CEP68: variants seen among roughly 807,000 people sequenced by gnomAD.
The protein encoded by CEP68 is centrosomal protein 68.
In CEP68, 26 loss-of-function variants were observed where a neutral mutation model predicts 55.3. The ratio of observed to expected loss-of-function variants is 0.47; its 90% CI spans 0.34 to 0.65. The LOEUF is 0.65. Ranked by LOEUF, CEP68 falls within the 30% of genes least tolerant of loss-of-function variation. The pLI is 0.01. For missense variants in CEP68, 957 were observed against 946.7 expected, an observed-to-expected ratio of 1.01 and a Z score of -0.14; for synonymous variants, 402 against 383.2, an observed-to-expected ratio of 1.05 and a Z score of -0.57.
Position 65,072,857 on chromosome 2 carries a change from G to C in CEP68, c.1761G>C (p.Leu587=). 6.2e-7 allele frequency: 1 copy of C among 1,614,192 alleles called. No homozygotes were observed. The highest frequency in any genetic ancestry group is 1.3e-5 in the African/African-American group (1 of 75,042). ...CCCTCGGGGTCTCCTCTGGACTGCT[G>C]AAAACACGCCCCTCCTTGCCAGCTA... ...SQALGVSSGL[L]KTRPSLPARL... The change falls in exon 3 of 7, where the codon CTG becomes CTC. Residue 587 remains leucine, a synonymous_variant. Coordinates refer to ENST00000377990, the MANE Select transcript of CEP68 (RefSeq NM_015147.3).
intron 1 of CEP68, among the ~76,000 whole-genome samples, chr2:65,059,535 A>G (rs1675810400): frequency 6.6e-6 from 1 of 152,134 alleles, no homozygotes; most frequent in South Asian, 2.1e-4. Flanking sequence ...GTATTCTATA[A>G]TTAGCCATTA....
At chr2:65,078,553 T>TTTGAGATGGAGTTTCGCTC (rs1258240215) in intron 5 of CEP68, among the ~76,000 whole-genome samples, 1 of 152,138 alleles carries the variant, frequency 6.6e-6, no homozygotes, top group African/African-American at 2.4e-5. Context: ...TTGTTTTGCT[T>TTTGAGATGGAGTTTCGCTC]TTGAGATGGA....
At chr2:65,066,067 A>G (rs1414040028) in intron 1 of CEP68, among the ~76,000 whole-genome samples, 11 of 152,116 alleles carry the variant, frequency 7.2e-5, no homozygotes, top group South Asian at 2.1e-4. Context: ...GAGGGAACCA[A>G]TCATGGGCAG....
At position 65,086,213 on chromosome 2, in the gene CEP68, A is replaced by G. The variant is rs13424266; in HGVS notation, c.*2579A>G. 88 of 152,346 alleles carry G rather than the reference A, an allele frequency of 5.8e-4. No individual in the cohort carries two copies. The highest frequency in any genetic ancestry group is 2.0e-3 in the African/African-American group (83 of 41,584). The allele number at this position is 152,346 out of a possible 1,614,324, so 9.4% of individuals were successfully genotyped here. On this transcript the variant is annotated 3_prime_UTR_variant, in exon 7 of 7. Transcript: ENST00000377990. Reference sequence around the variant, plus strand: ...ATAGGAAATTACTGCTCAGACCACAATGACTATCATTCTGAAAGGATTTCA... The same window carrying G: ...ATAGGAAATTACTGCTCAGACCACAGTGACTATCATTCTGAAAGGATTTCA...
In CEP68 at chr2:65,084,020, C is replaced by T. The variant is rs1220837609; in HGVS notation, c.*386C>T. On this transcript the variant is annotated 3_prime_UTR_variant, in exon 7 of 7. Coordinates refer to ENST00000377990, the MANE Select transcript of CEP68 (RefSeq NM_015147.3). ...ATTCCGAATACTCAATATTCTCAGG[C>T]ATGCAAGAGGACCTAAGAGACTGAA... is the stretch of plus-strand genomic sequence containing the variant. 2.0e-5 allele frequency: 3 copies of T among 152,176 alleles called. No individual in the cohort carries two copies. The highest frequency in any genetic ancestry group is 4.4e-5 in the Non-Finnish European group (3 of 68,030). 9.4% of individuals were successfully genotyped at this position (152,176 alleles called of 1,614,324 possible).
chr2:65,062,354 T>C (rs1675950443), intron 1 of CEP68, among the ~76,000 whole-genome samples: 1 of 151,444 alleles, frequency 6.6e-6, no homozygotes, highest in Admixed American at 6.6e-5. Context: ...GCCAACATGG[T>C]TAAACCCCGT....
intron 6 of CEP68, among the ~76,000 whole-genome samples, chr2:65,083,200 C>T (rs895643301): frequency 1.3e-5 from 2 of 152,162 alleles, no homozygotes; most frequent in African/African-American, 4.8e-5. Flanking sequence ...CCCTGCCCTG[C>T]ACAAAGGGTC....
intron 5 of CEP68, chr2:65,080,540 C>A (rs945026067): frequency 1.0e-6 from 1 of 985,252 alleles, no homozygotes; most frequent in Admixed American, 6.2e-5. Context: ...CAAAAGCGTC[C>A]GTGCGCAGTG....
rs1668999742 is a variant in CEP68, at chr2:65,085,485, C to T, written c.*1851C>T. 1 of 152,030 alleles carries T rather than the reference C, an allele frequency of 6.6e-6. No individual in the cohort carries two copies. The highest frequency in any genetic ancestry group is 1.5e-5 in the Non-Finnish European group (1 of 68,016). The allele number at this position is 152,030 out of a possible 1,614,324, so 9.4% of individuals were successfully genotyped here. A position where few individuals can be genotyped will look rare whatever the true frequency, so the allele number is the denominator to read the frequency against. ...ATCAACACAACTGTTAATTATACCG[C>T]CGTGCTTTAAGTTTAAGACTTACCT... On this transcript the variant is annotated 3_prime_UTR_variant, in exon 7 of 7. Coordinates refer to ENST00000377990, the MANE Select transcript of CEP68 (RefSeq NM_015147.3).
At position 65,086,868 on chromosome 2, in the gene CEP68, T is replaced by A. The variant is rs1242203669; in HGVS notation, c.*3234T>A. 6.6e-6 allele frequency: 1 copy of A among 152,670 alleles called. No homozygotes were observed. Among genetic ancestry groups the A allele is most frequent in the African/African-American group, 2.4e-5 (1 of 41,470 alleles). The allele number at this position is 152,670 out of a possible 1,614,324, so 9.5% of individuals were successfully genotyped here. On this transcript the variant is annotated 3_prime_UTR_variant, in exon 7 of 7. Transcript: ENST00000377990. The stretch of plus-strand genomic sequence containing the variant: ...CACGCCTATAATACAAAGTAAACTA[T>A]GATTTTTATTGTGAAATTTTCATAG...
chr2:65,058,501 T>A (rs887778187), intron 1 of CEP68, among the ~76,000 whole-genome samples: 3 of 79,314 alleles, frequency 3.8e-5, no homozygotes, highest in African/African-American at 1.4e-4. Flanking sequence ...TTTTTCCTTT[T>A]TTTTTTTTTT....
At chr2:65,080,030 G>A (rs2103798264) in intron 5 of CEP68, among the ~76,000 whole-genome samples, 1 of 152,128 alleles carries the variant, frequency 6.6e-6, no homozygotes, top group South Asian at 2.1e-4. Flanking sequence ...CCACTCTGGA[G>A]GCTGAGGCAG....
At chr2:65,066,397 C>T (rs950450518) in intron 1 of CEP68, among the ~76,000 whole-genome samples, 4 of 151,526 alleles carry the variant, frequency 2.6e-5, no homozygotes, top group African/African-American at 9.7e-5. Context: ...AAGTTCAAGA[C>T]CAGCCTGGCC....
chr2:65,084,376 C>T lies in CEP68; in HGVS notation c.*742C>T, dbSNP rs1052672768. ...AACTTTGGGAGGACTCCTCCCTTCA[C>T]TCCTAGTCTCCCTTGGAAGAGCAGT... On this transcript the variant is annotated 3_prime_UTR_variant, in exon 7 of 7. Coordinates refer to ENST00000377990, the MANE Select transcript of CEP68 (RefSeq NM_015147.3). 1.6e-4 allele frequency: 24 copies of T among 152,222 alleles called. 1 individual carries two copies. The highest frequency in any genetic ancestry group is 4.4e-5 in the Non-Finnish European group (3 of 68,052). The allele number at this position is 152,222 out of a possible 1,614,324, so 9.4% of individuals were successfully genotyped here.
At chr2:65,067,056 T>C (rs1205366003) in intron 1 of CEP68, among the ~76,000 whole-genome samples, 2 of 151,452 alleles carry the variant, frequency 1.3e-5, no homozygotes, top group Non-Finnish European at 2.9e-5. Context: ...GTATGACCTA[T>C]ACAGTTTGCT....
rs1460362520 is a variant in CEP68, at chr2:65,072,680, T to C, written c.1584T>C (p.Ala528=). 6.2e-7 allele frequency: 1 copy of C among 1,614,130 alleles called. No homozygotes were observed. Among genetic ancestry groups the C allele is most frequent in the African/African-American group, 1.3e-5 (1 of 75,042 alleles). Residue 528 remains alanine, a synonymous_variant, in exon 3 of 7, where the codon GCT becomes GCC. Coordinates refer to ENST00000377990, the MANE Select transcript of CEP68 (RefSeq NM_015147.3). The part of the protein sequence containing the change: ...PLEVSDSDGP[A]SFPSSSSQSQ... ...AAGTGTCAGACAGTGATGGGCCAGC[T>C]TCCTTCCCTTCAAGCTCCAGCCAAA...
intron 4 of CEP68, among the ~76,000 whole-genome samples, chr2:65,076,895 G>A (rs1245138968): frequency 1.3e-5 from 2 of 151,782 alleles, no homozygotes; most frequent in African/African-American, 4.8e-5. Context: ...GCAAAATAGT[G>A]AGACCCTGTC....
At position 65,074,144 on chromosome 2, in the gene CEP68, G is replaced by GAGGA; in HGVS notation, c.1885-138_1885-137insAGGA. On this transcript the variant is annotated intron_variant, in intron 3 of 6. Transcript: ENST00000377990. ...AGGGAGGTACAGAGTCGTGGAGTCG[G>GAGGA]GACAGGTGAGCAAGGAGGAGAGAGG... 13 of 968,400 alleles carry GAGGA rather than the reference G, an allele frequency of 1.3e-5. No individual in the cohort carries two copies. In the South Asian group the frequency reaches 2.0e-4, roughly 15 times the overall value. 60.0% of individuals were successfully genotyped at this position (968,400 alleles called of 1,614,324 possible). A position where few individuals can be genotyped will look rare whatever the true frequency, so the allele number is the denominator to read the frequency against.
intron 6 of CEP68, among the ~76,000 whole-genome samples, chr2:65,083,090 G>T (rs890162596): frequency 6.6e-6 from 1 of 152,082 alleles, no homozygotes; most frequent in Non-Finnish European, 1.5e-5. Flanking sequence ...TGTTCTGCAG[G>T]ATCTTCTCCC....
Sources: allele counts gnomAD v4.1 joint callset (sites outside exome capture counted in the v4.1 genomes callset), GRCh38; gene constraint gnomAD v4.1.1; transcripts MANE v1.5; gene names NCBI Gene and HGNC (gene_info 2026-07-23, HGNC 2026-07-21).